ICA1: variants seen among roughly 807,000 people sequenced by gnomAD.
ICA1 encodes the protein islet cell autoantigen 1, also known as 69 kDa islet cell autoantigen.
In ICA1, 40 loss-of-function variants were observed where a neutral mutation model predicts 71.0. That is an observed-to-expected ratio of 0.56 (90% CI 0.44 to 0.73). ICA1 has a LOEUF of 0.73. Ranked by LOEUF, ICA1 falls within the 30% of genes least tolerant of loss-of-function variation. ICA1 has a pLI of 0.00. For synonymous variants in ICA1, 207 were observed against 209.5 expected, an observed-to-expected ratio of 0.99 and a Z score of 0.10; for missense variants, 578 against 576.5, an observed-to-expected ratio of 1.00 and a Z score of -0.03.
At chr7:8,196,342 G>A (rs1423713276) in intron 6 of ICA1, among the ~76,000 whole-genome samples, 3 of 152,200 alleles carry the variant, frequency 2.0e-5, no homozygotes, top group Non-Finnish European at 4.4e-5. Flanking sequence ...GTGCTTGCCA[G>A]GCGCTCAGGG....
chr7:8,200,674 C>T (rs996119072), intron 6 of ICA1, among the ~76,000 whole-genome samples: 1 of 152,162 alleles, frequency 6.6e-6, no homozygotes, highest in African/African-American at 2.4e-5. Context: ...ATTTACTAGA[C>T]TGTAGTTGAC....
Position 8,158,603 on chromosome 7 carries a change from A to T in ICA1, c.629T>A (p.Met210Lys), listed in dbSNP as rs781302996. Residue 210 changes from methionine to lysine, a missense_variant, in exon 7 of 14, where the codon ATG (methionine) becomes AAG (lysine). Coordinates refer to ENST00000402384, the MANE Select transcript of ICA1 (RefSeq NM_001136020.3). ...LAKKNFDKLKMDVCQKVDLLG... is the reference protein window; with the variant it reads ...LAKKNFDKLKKDVCQKVDLLG... ...AAGATCCACTTTTTGACAAACATCC[A>T]TCTTCAATTTGTCAAAGTTTTTTTT... 2 of 1,614,112 alleles carry T rather than the reference A, an allele frequency of 1.2e-6. No individual in the cohort carries two copies. Among genetic ancestry groups the T allele is most frequent in the Non-Finnish European group, 1.7e-6 (2 of 1,179,966 alleles).
At chr7:8,172,928 T>C (rs979163368) in intron 6 of ICA1, among the ~76,000 whole-genome samples, 5 of 152,234 alleles carry the variant, frequency 3.3e-5, no homozygotes, top group Non-Finnish European at 4.4e-5. Flanking sequence ...ACACATTTGC[T>C]CCTTTCATAG....
At chr7:8,114,505 A>C (rs1008127406) in intron 13 of ICA1, among the ~76,000 whole-genome samples, 2 of 152,220 alleles carry the variant, frequency 1.3e-5, no homozygotes, top group African/African-American at 4.8e-5. Context: ...TCAAAGCAAC[A>C]GGCCCAAAAG....
At chr7:8,208,372 T>C (rs4725077) in intron 6 of ICA1, among the ~76,000 whole-genome samples, 150,543 of 152,290 alleles carry the variant, frequency 0.99, 74,416 homozygotes, top group Middle Eastern at 1. Context: ...ATAAAACCCA[T>C]GCTCTATTTT....
At chr7:8,249,413 G>C (rs1431877247) in intron 1 of ICA1, among the ~76,000 whole-genome samples, 2 of 152,246 alleles carry the variant, frequency 1.3e-5, no homozygotes, top group Non-Finnish European at 2.9e-5. Flanking sequence ...ACACGCAACA[G>C]GGGAAACAGA....
rs148602458 is a variant in ICA1 at position 8,149,145 on chromosome 7, C to T, written c.805-5173G>A. On this transcript the variant is annotated intron_variant, in intron 8 of 13. Transcript: ENST00000402384. ...TCTGACTATGTATAGACGAGGCAGC[C>T]ATCAGATGAACCATTATTTCCAATT... 3.5e-4 allele frequency among the ~76,000 whole-genome samples: 54 copies of T among 152,290 alleles called. No individual in the cohort carries two copies. The East Asian group carries it at 9.2e-3, about 26-fold the overall frequency.
chr7:8,197,326 G>A (rs539436716), intron 6 of ICA1, among the ~76,000 whole-genome samples: 45 of 151,520 alleles, frequency 3.0e-4, no homozygotes, highest in Admixed American at 1.1e-3. Context: ...AGGCCGAAGC[G>A]GGCGGATCAC....
At chr7:8,138,935 A>C (rs1186757656) in intron 11 of ICA1, 50 bp downstream of exon 11, 2 of 1,596,092 alleles carry the variant, frequency 1.3e-6, no homozygotes, top group African/African-American at 1.3e-5. Flanking sequence ...TTTTGTGAGG[A>C]GTTTGAGTCA....
In ICA1 at chr7:8,127,991, C is replaced by G. The variant is rs548213145; in HGVS notation, c.1212G>C (p.Lys404Asn). The stretch of plus-strand genomic sequence containing the variant: ...CCAGGGCCATAGTGGGCACTGGCTC[C>G]TTCACTTGGCCGTCTCCAAACACAG... ...WAAVFGDGQV[K>N]EPVPTMALGE... The change falls in exon 13 of 14, where the codon AAG becomes AAC. Residue 404 changes from lysine (K) to asparagine (N), a missense_variant. Lys to Asn is a moderately conservative substitution (Grantham distance 94). Transcript: ENST00000402384. 4 of 1,614,220 alleles carry G rather than the reference C, an allele frequency of 2.5e-6. No individual in the cohort carries two copies. The highest frequency in any genetic ancestry group is 2.7e-5 in the African/African-American group (2 of 75,054).
chr7:8,134,622 C>T (rs749677450), intron 12 of ICA1, among the ~76,000 whole-genome samples: 1 of 152,174 alleles, frequency 6.6e-6, no homozygotes, highest in Non-Finnish European at 1.5e-5. Context: ...CAAACACCAA[C>T]ACTATCCTCA....
Position 8,234,629 on chromosome 7 carries a change from C to T in ICA1, c.17+1281G>A, listed in dbSNP as rs1328162057. On this transcript the variant is annotated intron_variant, in intron 2 of 13. Coordinates refer to ENST00000402384, the MANE Select transcript of ICA1 (RefSeq NM_001136020.3). The surrounding 1 kb of genome is among the most constrained non-coding windows in gnomAD (Gnocchi z 4.5). ...AGCCAGAAGGCATTTCTGATGACTT[C>T]CTTAACAATGGTTATCTTTGGAGAG... Among the ~76,000 whole-genome samples, 1 of 152,172 alleles carries T rather than the reference C, an allele frequency of 6.6e-6. No homozygotes were observed. The highest frequency in any genetic ancestry group is 1.9e-4 in the East Asian group (1 of 5,204).
intron 6 of ICA1, among the ~76,000 whole-genome samples, chr7:8,214,649 G>T (rs570023648): frequency 6.6e-6 from 1 of 152,134 alleles, no homozygotes; most frequent in African/African-American, 2.4e-5. Flanking sequence ...TTCCACCCCC[G>T]ACACAGACAC....
At position 8,113,755 on chromosome 7, in the gene ICA1, CA is replaced by C; in HGVS notation, c.*167del. On this transcript the variant is annotated 3_prime_UTR_variant, in exon 14 of 14. Transcript: ENST00000402384. This position sits in a 1 kb window ranked among gnomAD's most constrained non-coding sequence, Gnocchi z 4.2. ...AGAGATACACGAAAACCCTTTATACCAAATAAGAGTAAATAATTATACCAAT... is the reference window on the plus strand; with the variant it reads ...AGAGATACACGAAAACCCTTTATACCAATAAGAGTAAATAATTATACCAAT... 1.5e-6 allele frequency: 1 copy of C among 678,890 alleles called. No individual in the cohort carries two copies. Among genetic ancestry groups the C allele is most frequent in the Non-Finnish European group, 2.4e-6 (1 of 410,564 alleles). 42.1% of individuals were successfully genotyped at this position (678,890 alleles called of 1,614,324 possible).
intron 9 of ICA1, among the ~76,000 whole-genome samples, 160 bp downstream of exon 9, chr7:8,143,715 T>G (rs1795970533): frequency 6.6e-6 from 1 of 152,076 alleles, no homozygotes; most frequent in African/African-American, 2.4e-5. Context: ...AGCAGGAGCA[T>G]GCGTTAAAGG....
intron 6 of ICA1, among the ~76,000 whole-genome samples, chr7:8,167,601 C>T (rs112241259): frequency 1.2e-4 from 19 of 152,202 alleles, no homozygotes; most frequent in African/African-American, 4.3e-4. Context: ...AAATAACAAA[C>T]CTGCACCTGT....
intron 13 of ICA1, among the ~76,000 whole-genome samples, chr7:8,118,917 T>C (rs1156819388): frequency 1.3e-5 from 2 of 152,234 alleles, no homozygotes; most frequent in African/African-American, 4.8e-5. Flanking sequence ...GAGCCAATGC[T>C]GACCTACTGA....
chr7:8,127,783 A>C, intron 13 of ICA1, 90 bp downstream of exon 13: 1 of 1,380,738 alleles, frequency 7.2e-7, no homozygotes, highest in Non-Finnish European at 9.8e-7. Flanking sequence ...AAACATTAAA[A>C]AAGACAAAGA....
intron 6 of ICA1, among the ~76,000 whole-genome samples, chr7:8,160,651 C>G (rs1803415359): frequency 6.6e-6 from 1 of 152,240 alleles, no homozygotes; most frequent in Admixed American, 6.5e-5. Flanking sequence ...TGAATAGAAT[C>G]TTGTGTCTAT....
Sources: gnomAD v4.1 joint callset for allele counts (sites outside exome capture counted in the v4.1 genomes callset) on GRCh38, gnomAD v4.1.1 for gene constraint, Gnocchi (gnomAD v3.1) non-coding constraint, MANE v1.5 for transcripts, NCBI Gene and HGNC (gene_info 2026-07-23, HGNC 2026-07-21) for gene names.